The following RIMBP2 variants were observed in gnomAD, a reference collection of about 807,000 sequenced individuals.
RIMBP2 encodes the protein RIMS-binding protein 2.
RIMBP2 carries 48 observed loss-of-function variants against 118.6 expected under a neutral mutation model. That is an observed-to-expected ratio of 0.40 (90% CI 0.32 to 0.51). The LOEUF (loss-of-function observed/expected upper bound fraction) is 0.51. RIMBP2 is among the 20% of genes least tolerant of loss of function. The pLI, the probability that RIMBP2 is intolerant of heterozygous loss-of-function variation, is 0.41. For missense variants in RIMBP2, 1,551 were observed against 1,768.3 expected (o/e 0.88, Z 2.20); for synonymous variants, 762 against 742.9 (o/e 1.03, Z -0.42).
At chr12:130,628,025 C>T (rs2061753225) in intron 2 of RIMBP2, among the ~76,000 whole-genome samples, 1 of 152,166 alleles carries the variant, frequency 6.6e-6, no homozygotes, top group Non-Finnish European at 1.5e-5. Context: ...GCCCTGAGGT[C>T]CTGAATGAAC....
intron 2 of RIMBP2, among the ~76,000 whole-genome samples, chr12:130,585,458 CT>C (rs536357925): frequency 8.0e-4 from 122 of 152,030 alleles, no homozygotes; most frequent in African/African-American, 2.8e-3. Context: ...TAAATGGCCA[CT>C]TTTAGGGCAG....
At chr12:130,632,596 C>T (rs1284276722) in intron 1 of RIMBP2, among the ~76,000 whole-genome samples, 1 of 152,164 alleles carries the variant, frequency 6.6e-6, no homozygotes, top group Admixed American at 6.5e-5. Context: ...CTGTCCTCGG[C>T]TCGGCCTACT....
intron 5 of RIMBP2, 129 bp downstream of exon 5, chr12:130,478,783 T>C: frequency 3.1e-6 from 2 of 644,260 alleles, no homozygotes; most frequent in Non-Finnish European, 2.8e-6. Context: ...TGAATTCTTC[T>C]GTGCAAGCAG....
intron 1 of RIMBP2, among the ~76,000 whole-genome samples, chr12:130,672,286 C>T (rs749056524): frequency 2.0e-5 from 3 of 152,172 alleles, no homozygotes; most frequent in South Asian, 2.1e-4. Context: ...TCTCACAATA[C>T]GACTCATTAA....
intron 11 of RIMBP2, 81 bp downstream of exon 11, chr12:130,441,767 G>A: frequency 7.9e-7 from 1 of 1,265,880 alleles, no homozygotes; most frequent in Non-Finnish European, 1.1e-6. Flanking sequence ...GCTTCTGCCT[G>A]CCCCACCTTC....
At chr12:130,554,285 G>A (rs1396394560) in intron 2 of RIMBP2, among the ~76,000 whole-genome samples, 2 of 152,088 alleles carry the variant, frequency 1.3e-5, no homozygotes, top group South Asian at 2.1e-4. Context: ...CTTTTCTGGG[G>A]CCTAAATGAC....
At chr12:130,481,366 G>C (rs546631082) in intron 4 of RIMBP2, among the ~76,000 whole-genome samples, 1 of 152,168 alleles carries the variant, frequency 6.6e-6, no homozygotes, top group African/African-American at 2.4e-5. Context: ...TCTGCAAAGC[G>C]CTGTGGTTGG....
intron 1 of RIMBP2, among the ~76,000 whole-genome samples, chr12:130,669,739 T>C (rs1274284022): frequency 6.6e-6 from 1 of 152,182 alleles, no homozygotes; most frequent in Non-Finnish European, 1.5e-5. Flanking sequence ...ACACTAGGAA[T>C]GCAGGAGCTC....
chr12:130,481,284 C>T (rs961449827), intron 4 of RIMBP2, among the ~76,000 whole-genome samples: 1 of 152,158 alleles, frequency 6.6e-6, no homozygotes, highest in Admixed American at 6.5e-5. Flanking sequence ...CCTCTGAAAG[C>T]TCCTTTCTTC....
chr12:130,603,698 G>A (rs930526299), intron 2 of RIMBP2, among the ~76,000 whole-genome samples: 1 of 152,128 alleles, frequency 6.6e-6, no homozygotes, highest in African/African-American at 2.4e-5. Flanking sequence ...GTGAAAGCTC[G>A]CTGTAGCCCT....
intron 21 of RIMBP2, among the ~76,000 whole-genome samples, chr12:130,404,478 T>G (rs1390063460): frequency 6.6e-6 from 1 of 152,110 alleles, no homozygotes; most frequent in Non-Finnish European, 1.5e-5. Context: ...TTTTGTATTT[T>G]CAGTAGAAAC....
At chr12:130,566,004 G>T (rs567887111) in intron 2 of RIMBP2, among the ~76,000 whole-genome samples, 1 of 152,298 alleles carries the variant, frequency 6.6e-6, no homozygotes, top group East Asian at 1.9e-4. Context: ...TCAAGTATCA[G>T]TTCCTAACGA....
intron 4 of RIMBP2, among the ~76,000 whole-genome samples, chr12:130,494,896 A>C (rs559058350): frequency 6.6e-6 from 1 of 152,330 alleles, no homozygotes; most frequent in African/African-American, 2.4e-5. Flanking sequence ...AGAAGGCTGA[A>C]ATCCAGGTGT....
At chr12:130,659,114 A>C (rs2063546623) in intron 1 of RIMBP2, among the ~76,000 whole-genome samples, 1 of 152,226 alleles carries the variant, frequency 6.6e-6, no homozygotes, top group African/African-American at 2.4e-5. Context: ...GGGCTCACCC[A>C]GTGCTATCCA....
intron 4 of RIMBP2, among the ~76,000 whole-genome samples, chr12:130,481,955 CGCCCACCACCAGTTCACTGTGAGT>C (rs2082054690): frequency 2.1e-5 from 3 of 145,908 alleles, no homozygotes; most frequent in Non-Finnish European, 4.6e-5. Flanking sequence ...CACCACCCAC[CGCCCACCACCAGTTCACTGTGAGT>C]GCAAACCAGC....
intron 1 of RIMBP2, among the ~76,000 whole-genome samples, chr12:130,712,535 A>G (rs1249676225): frequency 2.0e-5 from 3 of 152,172 alleles, no homozygotes; most frequent in African/African-American, 7.2e-5. Flanking sequence ...CTCCAGGGGA[A>G]TAACACAAGG....
In RIMBP2 at chr12:130,543,032, G is replaced by A. The variant is rs544857886; in HGVS notation, c.-216-25115C>T. On this transcript the variant is annotated intron_variant, in intron 2 of 22. Coordinates refer to ENST00000690449, the MANE Select transcript of RIMBP2 (RefSeq NM_001393629.1). The stretch of plus-strand genomic sequence containing the variant: ...GAGGCTGATTCCATTTGCCCTTCCC[G>A]TCTCTCAGGGTTGGATGATGAACTG... Among the ~76,000 whole-genome samples the A allele has an allele frequency of 1.1e-3, 164 of 152,246 alleles. 1 individual carries two copies. Among genetic ancestry groups the A allele is most frequent in the African/African-American group, 3.5e-3 (147 of 41,534 alleles).
intron 2 of RIMBP2, among the ~76,000 whole-genome samples, chr12:130,591,217 A>G (rs992775861): frequency 1.8e-4 from 28 of 152,258 alleles, no homozygotes; most frequent in African/African-American, 6.5e-4. Flanking sequence ...ACATGGACCC[A>G]GCACATGGCT....
At chr12:130,491,295 C>A (rs61937083) in intron 4 of RIMBP2, among the ~76,000 whole-genome samples, 1 of 152,276 alleles carries the variant, frequency 6.6e-6, no homozygotes, top group South Asian at 2.1e-4. Context: ...CAAGTTTGCC[C>A]AGCTAGGCCA....
Sources: gnomAD v4.1 joint callset for allele counts (sites outside exome capture counted in the v4.1 genomes callset) on GRCh38, gnomAD v4.1.1 for gene constraint, MANE v1.5 for transcripts, NCBI Gene and HGNC (gene_info 2026-07-23, HGNC 2026-07-21) for gene names.